Variants in TLL2 observed in about 807,000 individuals in gnomAD.
TLL2 encodes the protein tolloid like 2, also known as tolloid-like protein 2.
TLL2 carries 106 observed loss-of-function variants against 123.0 expected under a neutral mutation model. The ratio of observed to expected loss-of-function variants is 0.86; its 90% confidence interval spans 0.74 to 1.01. The LOEUF is 1.01. Among genes scored for constraint, TLL2 ranks in the 50% least tolerant of loss-of-function variants. TLL2 has a pLI of 0.00. For missense variants in TLL2, 1,332 were observed against 1,336.7 expected (o/e 1.00, Z 0.06); for synonymous variants, 494 against 516.8 (o/e 0.96, Z 0.60).
chr10:96,419,774 A>G (rs1194388033), intron 7 of TLL2, among the ~76,000 whole-genome samples: 4 of 152,220 alleles, frequency 2.6e-5, no homozygotes, highest in African/African-American at 9.6e-5. Flanking sequence ...GCCTTACCCA[A>G]GAACCAAGGA....
chr10:96,412,077 T>C (rs1846512775), intron 8 of TLL2, among the ~76,000 whole-genome samples: 1 of 152,196 alleles, frequency 6.6e-6, no homozygotes, highest in South Asian at 2.1e-4. Flanking sequence ...TATGATGGCA[T>C]TTCCCAGGGT....
intron 2 of TLL2, among the ~76,000 whole-genome samples, chr10:96,469,113 C>G (rs1847155073): frequency 6.6e-6 from 1 of 152,252 alleles, no homozygotes; most frequent in Non-Finnish European, 1.5e-5. Context: ...CTAGCACCTG[C>G]TGATTGCTTT....
At chr10:96,480,546 G>A in intron 1 of TLL2, 87 bp from the exon 2 acceptor site, 1 of 1,093,138 alleles carries the variant, frequency 9.1e-7, no homozygotes, top group Non-Finnish European at 1.4e-6. Flanking sequence ...ATTGGGTGTT[G>A]GGTGGTAAAC....
At chr10:96,510,274 T>C (rs150811075) in intron 1 of TLL2, among the ~76,000 whole-genome samples, 105 of 152,292 alleles carry the variant, frequency 6.9e-4, no homozygotes, top group Non-Finnish European at 1.2e-3. Flanking sequence ...CTTAGCTGTA[T>C]TGACAGCATC....
rs536257165 is a variant in TLL2, at chr10:96,497,289, AAAAAC to A, written c.175+16217_175+16221del. On this transcript the variant is annotated intron_variant, in intron 1 of 20. Transcript: ENST00000357947. ...AGAATGAGACTCTGTCTCAAAAAAC[AAAAAC>A]AAAACAAAACAACAGCAACAACAAA... is the stretch of plus-strand genomic sequence containing the variant. Among the ~76,000 whole-genome samples the A allele has an allele frequency of 1.3e-3, 200 of 152,318 alleles. 1 individual carries two copies. Among genetic ancestry groups the A allele is most frequent in the Non-Finnish European group, 2.5e-3 (170 of 68,026 alleles).
At chr10:96,406,814 C>A (rs1449008791) in intron 9 of TLL2, among the ~76,000 whole-genome samples, 1 of 152,174 alleles carries the variant, frequency 6.6e-6, no homozygotes, top group African/African-American at 2.4e-5. Context: ...GATGCCATTG[C>A]CCCGATGGTC....
intron 2 of TLL2, among the ~76,000 whole-genome samples, chr10:96,473,055 C>G (rs750959160): frequency 2.6e-5 from 4 of 151,914 alleles, no homozygotes; most frequent in South Asian, 2.1e-4. Flanking sequence ...TCAGCCCCCC[C>G]CAATCAGATG....
At chr10:96,410,279 A>G in intron 9 of TLL2, 80 bp downstream of exon 9, 1 of 1,003,270 alleles carries the variant, frequency 1.0e-6, no homozygotes, top group Non-Finnish European at 1.5e-6. Context: ...TGTTATTTTT[A>G]CTATTAACAA....
chr10:96,505,637 G>C lies in TLL2; in HGVS notation c.175+7874C>G, dbSNP rs796575122. Among the ~76,000 whole-genome samples, 21 of 152,318 alleles carry C rather than the reference G, an allele frequency of 1.4e-4. 1 individual carries two copies. Among genetic ancestry groups the C allele is most frequent in the African/African-American group, 5.1e-4 (21 of 41,562 alleles). On this transcript the variant is annotated intron_variant, in intron 1 of 20. Transcript: ENST00000357947. ...GTTTGCCTACAGCCGTGGAGTGGTA[G>C]AGCCAGTATTTGAACCCAGGAAATT...
intron 4 of TLL2, among the ~76,000 whole-genome samples, chr10:96,431,246 G>T (rs565370130): frequency 1.4e-5 from 2 of 140,748 alleles, no homozygotes; most frequent in Admixed American, 1.5e-4. Flanking sequence ...CCTCCTTGAA[G>T]GCAGGATGAA....
At position 96,396,013 on chromosome 10, in the gene TLL2, G is replaced by T. The variant is rs1020388483; in HGVS notation, c.1392C>A (p.Cys464Ter). ...KGFFAAYEAT[C>*]GGDMNKDAGQ... ...CGGCATCTTTGTTCATGTCTCCCCC[G>T]CAGGTAGCTTTAGAAAGAGACATCA... The change falls in exon 12 of 21, where the codon TGC becomes TGA. Residue 464 changes from cysteine to a stop codon, truncating the protein, a stop_gained. Coordinates refer to ENST00000357947, the MANE Select transcript of TLL2 (RefSeq NM_012465.4). LOFTEE classifies it high-confidence loss of function. The T allele has an allele frequency of 1.2e-6, 2 of 1,613,926 alleles. No individual in the cohort carries two copies. The highest frequency in any genetic ancestry group is 1.7e-6 in the Non-Finnish European group (2 of 1,179,940).
chr10:96,427,218 A>G lies in TLL2; in HGVS notation c.638+1413T>C, dbSNP rs554520059. ...TTTCACTGCTTTGCAATCAGAAAAT[A>G]TCTTAATGCTATTTCTGCCTTTAAG... On this transcript the variant is annotated intron_variant, in intron 5 of 20. Transcript: ENST00000357947. 1.3e-4 allele frequency among the ~76,000 whole-genome samples: 20 copies of G among 152,338 alleles called. 1 individual carries two copies. The South Asian group carries it at 3.9e-3, about 30-fold the overall frequency.
intron 19 of TLL2, among the ~76,000 whole-genome samples, chr10:96,372,384 G>A (rs146714661): frequency 6.6e-6 from 1 of 152,316 alleles, no homozygotes; most frequent in African/African-American, 2.4e-5. Flanking sequence ...AGCAGAGTGG[G>A]CTTTGGGTGG....
At position 96,428,711 on chromosome 10, in the gene TLL2, G is replaced by T. The variant is rs750448222; in HGVS notation, c.558C>A (p.His186Gln). 1 of 1,613,876 alleles carries T rather than the reference G, an allele frequency of 6.2e-7. No homozygotes were observed. The highest frequency in any genetic ancestry group is 1.3e-5 in the African/African-American group (1 of 74,890). The change falls in exon 5 of 21, where the codon CAC (histidine) becomes CAA (glutamine). Residue 186 changes from histidine to glutamine, a missense_variant. Physicochemically the swap from His to Gln is conservative, Grantham distance 24. Coordinates refer to ENST00000357947, the MANE Select transcript of TLL2 (RefSeq NM_012465.4). ...QRAIFKQAMR[H>Q]WEKHTCVTFI... ...AGGTCACACAGGTGTGCTTCTCCCAGTGTCTCATGGCCTGCTTAAAAATGG... is the reference window on the plus strand; with the variant it reads ...AGGTCACACAGGTGTGCTTCTCCCATTGTCTCATGGCCTGCTTAAAAATGG...
At chr10:96,454,326 G>A (rs1846989784) in intron 2 of TLL2, among the ~76,000 whole-genome samples, 1 of 152,184 alleles carries the variant, frequency 6.6e-6, no homozygotes, top group African/African-American at 2.4e-5. Context: ...CTGGGTCCTG[G>A]CACTGGCTGA....
At chr10:96,407,804 A>G (rs1177921046) in intron 9 of TLL2, among the ~76,000 whole-genome samples, 1 of 152,214 alleles carries the variant, frequency 6.6e-6, no homozygotes, top group Non-Finnish European at 1.5e-5. Flanking sequence ...ACCTTCTGTC[A>G]TTGAGTGTGT....
intron 14 of TLL2, among the ~76,000 whole-genome samples, chr10:96,386,573 GA>G (rs1846236204): frequency 6.6e-6 from 1 of 152,218 alleles, no homozygotes; most frequent in Admixed American, 6.5e-5. Context: ...CATGCACGTG[GA>G]CAAGGAAGAT....
Position 96,410,413 on chromosome 10 carries a change from C to G in TLL2, c.1110G>C (p.Gly370=). The G allele has an allele frequency of 2.5e-6, 4 of 1,614,016 alleles. No homozygotes were observed. The highest frequency in any genetic ancestry group is 3.4e-6 in the Non-Finnish European group (4 of 1,180,010). ...AGACGCAGTGGGAGTAAGATGGGTACCCATTTGGGAAACCAGGTGCAGAAA... is the reference window on the plus strand; with the variant it reads ...AGACGCAGTGGGAGTAAGATGGGTAGCCATTTGGGAAACCAGGTGCAGAAA... ...GNFSAPGFPN[G]YPSYSHCVWR... Residue 370 remains glycine (G), a synonymous_variant, in exon 9 of 21, where the codon GGG becomes GGC. Transcript: ENST00000357947.
rs1846525390 is a variant in TLL2 at position 96,413,310 on chromosome 10, A to G, written c.930T>C (p.Val310=). 1.2e-6 allele frequency: 2 copies of G among 1,613,748 alleles called. No homozygotes were observed. The highest frequency in any genetic ancestry group is 1.7e-6 in the Non-Finnish European group (2 of 1,179,674). The change falls in exon 8 of 21, where the codon GTT becomes GTC. Residue 310 remains valine, a synonymous_variant. Transcript: ENST00000357947. ...GACGGGGAAGGATGGTGTCTAAGAAAACTCCTCTACAGGAAGGAAAAAAGA... is the reference window on the plus strand; with the variant it reads ...GACGGGGAAGGATGGTGTCTAAGAAGACTCCTCTACAGGAAGGAAAAAAGA... The part of the protein sequence containing the change: ...HYARNTFSRG[V]FLDTILPRQD...
Sources: allele counts gnomAD v4.1 joint callset (sites outside exome capture counted in the v4.1 genomes callset), GRCh38; gene constraint gnomAD v4.1.1; transcripts MANE v1.5; gene names NCBI Gene and HGNC (gene_info 2026-07-23, HGNC 2026-07-21).